Variants in MTA3 observed in about 807,000 individuals in gnomAD.
The protein encoded by MTA3 is metastasis associated 1 family member 3.
In MTA3, 34 loss-of-function variants were observed where a neutral mutation model predicts 83.5. The ratio of observed to expected loss-of-function variants is 0.41; its 90% CI spans 0.31 to 0.54. The LOEUF is 0.54. Ranked by LOEUF, MTA3 falls within the 20% of genes least tolerant of loss-of-function variation. The pLI, the probability that MTA3 is intolerant of heterozygous loss-of-function variation, is 0.33. For missense variants in MTA3, 761 were observed against 726.4 expected, an observed-to-expected ratio of 1.05 and a Z score of -0.55; for synonymous variants, 303 against 252.7, an observed-to-expected ratio of 1.20 and a Z score of -1.89.
At chr2:42,521,918 C>A (rs1284942165) in intron 2 of MTA3, among the ~76,000 whole-genome samples, 1 of 152,012 alleles carries the variant, frequency 6.6e-6, no homozygotes, top group Non-Finnish European at 1.5e-5. Flanking sequence ...TCATGTCCAG[C>A]TAATTTTTGT....
At chr2:42,745,115 A>C (rs545833426) in intron 16 of MTA3, among the ~76,000 whole-genome samples, 1 of 152,240 alleles carries the variant, frequency 6.6e-6, no homozygotes, top group Non-Finnish European at 1.5e-5. Context: ...TTCCTCTATC[A>C]GCCAGATATT....
intron 8 of MTA3, among the ~76,000 whole-genome samples, chr2:42,675,440 A>G (rs1040089444): frequency 2.6e-5 from 4 of 152,076 alleles, no homozygotes; most frequent in Non-Finnish European, 5.9e-5. Flanking sequence ...CAGCCTCAAA[A>G]TTCTTTTTCT....
intron 8 of MTA3, among the ~76,000 whole-genome samples, chr2:42,668,427 C>T (rs147412851): frequency 6.6e-6 from 1 of 152,164 alleles, no homozygotes; most frequent in African/African-American, 2.4e-5. Flanking sequence ...GAACAAGACC[C>T]CTGCGACCTT....
At chr2:42,586,086 T>C (rs1214012078) in intron 3 of MTA3, among the ~76,000 whole-genome samples, 1 of 151,630 alleles carries the variant, frequency 6.6e-6, no homozygotes, top group Admixed American at 6.6e-5. Context: ...GAGTTCGGCC[T>C]GACCAACGTG....
At position 42,609,602 on chromosome 2, in the gene MTA3, A is replaced by G. The variant is rs1683930805; in HGVS notation, c.317+18A>G. The G allele has an allele frequency of 2.5e-6, 4 of 1,612,442 alleles. No homozygotes were observed. Among genetic ancestry groups the G allele is most frequent in the Admixed American group, 1.7e-5 (1 of 59,772 alleles). On this transcript the variant is annotated intron_variant, in intron 4 of 16. Coordinates refer to ENST00000405094, the MANE Select transcript of MTA3 (RefSeq NM_001330442.2). ...CATATCAGGTAAGAACTTTTTAGGA[A>G]CTAAGGTACTCAGTACTACGGTGAC...
intron 2 of MTA3, chr2:42,511,968 G>C (rs1572901336): frequency 6.6e-6 from 1 of 151,612 alleles, no homozygotes. Flanking sequence ...AGTGAGCCGA[G>C]ATTGCACCAC....
At chr2:42,666,770 G>A (rs56327407) in intron 8 of MTA3, among the ~76,000 whole-genome samples, 2 of 152,086 alleles carry the variant, frequency 1.3e-5, no homozygotes, top group Non-Finnish European at 2.9e-5. Context: ...CCTCACCATT[G>A]AATTCCCAGC....
At chr2:42,633,303 G>A (rs1376376414) in intron 4 of MTA3, among the ~76,000 whole-genome samples, 2 of 152,032 alleles carry the variant, frequency 1.3e-5, no homozygotes, top group East Asian at 3.9e-4. Context: ...GAGGTCCAGG[G>A]TCGGGTTTGA....
At chr2:42,559,194 C>T (rs1343237554) in intron 2 of MTA3, among the ~76,000 whole-genome samples, 1 of 152,190 alleles carries the variant, frequency 6.6e-6, no homozygotes, top group Non-Finnish European at 1.5e-5. Flanking sequence ...CTATAAGCAC[C>T]TGGGAGTCCC....
rs567740767 is a variant in MTA3 at position 42,608,516 on chromosome 2, ATACT to A, written c.191-937_191-934del. 1.1e-3 allele frequency among the ~76,000 whole-genome samples: 160 copies of A among 152,330 alleles called. 3 individuals carry two copies. Among genetic ancestry groups the A allele is most frequent in the South Asian group, 9.9e-3 (48 of 4,830 alleles). ...AAAGTTTGAAAGTAGAAAAGATCTG[ATACT>A]TACTCCATTCATTACCCTCATGCTA... On this transcript the variant is annotated intron_variant, in intron 3 of 16. Transcript: ENST00000405094.
At chr2:42,527,448 ACT>A (rs1675767417) in intron 2 of MTA3, among the ~76,000 whole-genome samples, 1 of 152,036 alleles carries the variant, frequency 6.6e-6, no homozygotes, top group South Asian at 2.1e-4. Context: ...CCACTGCAAT[ACT>A]CTTTTTTCCT....
At chr2:42,530,586 C>CCT (rs1558417286) in intron 2 of MTA3, among the ~76,000 whole-genome samples, 3 of 151,812 alleles carry the variant, frequency 2.0e-5, no homozygotes, top group Admixed American at 2.0e-4. Flanking sequence ...GAGTTTGAGA[C>CCT]CAGTCTGACC....
chr2:42,674,654 A>C (rs1691168257), intron 8 of MTA3, among the ~76,000 whole-genome samples: 1 of 139,822 alleles, frequency 7.2e-6, no homozygotes, highest in East Asian at 2.1e-4. Context: ...GCTGGAGTGC[A>C]GTGGCCCGAT....
At chr2:42,733,793 C>G (rs1331321942) in intron 16 of MTA3, among the ~76,000 whole-genome samples, 1 of 152,136 alleles carries the variant, frequency 6.6e-6, no homozygotes, top group Non-Finnish European at 1.5e-5. Flanking sequence ...AGCCACTGCA[C>G]CTGGCCCAGG....
chr2:42,745,505 T>G (rs1372283442), intron 16 of MTA3, among the ~76,000 whole-genome samples: 8 of 152,240 alleles, frequency 5.3e-5, no homozygotes, highest in Admixed American at 5.2e-4. Flanking sequence ...TTTATTCTAC[T>G]TTCTGGGAGA....
chr2:42,699,480 C>T (rs921674467), intron 11 of MTA3, among the ~76,000 whole-genome samples: 1 of 152,090 alleles, frequency 6.6e-6, no homozygotes, highest in Non-Finnish European at 1.5e-5. Flanking sequence ...TTTAAGATCA[C>T]CTGCTATATG....
chr2:42,576,865 C>G (rs192957265), intron 2 of MTA3, among the ~76,000 whole-genome samples: 6 of 152,046 alleles, frequency 3.9e-5, no homozygotes, highest in Admixed American at 2.6e-4. Flanking sequence ...CCATTGCACT[C>G]CAGCCTGGGC....
chr2:42,733,529 C>G lies in MTA3; in HGVS notation c.1759+10494C>G, dbSNP rs1668388010. Among the ~76,000 whole-genome samples, 3 of 152,320 alleles carry G rather than the reference C, an allele frequency of 2.0e-5. No individual in the cohort carries two copies. The South Asian group carries it at 6.2e-4, about 32-fold the overall frequency. Reference sequence around the variant, plus strand: ...AAACTTTCCTCTTAGTTTGCTTTTGCTATATCCCATAGGTTTTGGTATGTT... The same window carrying G: ...AAACTTTCCTCTTAGTTTGCTTTTGGTATATCCCATAGGTTTTGGTATGTT... On this transcript the variant is annotated intron_variant, in intron 16 of 16. Coordinates refer to ENST00000405094, the MANE Select transcript of MTA3 (RefSeq NM_001330442.2).
At chr2:42,583,867 G>A (rs1315751019) in intron 3 of MTA3, among the ~76,000 whole-genome samples, 1 of 148,592 alleles carries the variant, frequency 6.7e-6, no homozygotes. Context: ...TTGAGTTGGA[G>A]TTTCGCTTTT....
Sources: allele counts gnomAD v4.1 joint callset (sites outside exome capture counted in the v4.1 genomes callset), GRCh38; gene constraint gnomAD v4.1.1; transcripts MANE v1.5; gene names NCBI Gene and HGNC (gene_info 2026-07-23, HGNC 2026-07-21).